Variants in TULP4 observed in about 807,000 individuals in gnomAD.
TULP4 encodes TUB like protein 4.
A neutral mutation model predicts 129.0 loss-of-function variants in TULP4; 16 were observed. That is an observed-to-expected ratio of 0.12 (90% CI 0.08 to 0.19). The LOEUF (loss-of-function observed/expected upper bound fraction) is 0.19, where lower values mean the gene tolerates loss of function less well. Ranked by LOEUF, TULP4 falls within the 10% of genes least tolerant of loss-of-function variation. The pLI is 1.00. For synonymous variants in TULP4, 998 were observed against 854.0 expected, an observed-to-expected ratio of 1.17 and a Z score of -2.94; for missense variants, 1,842 against 2,059.1, an observed-to-expected ratio of 0.89 and a Z score of 2.04.
chr6:158,484,483 T>C (rs1780019726), intron 8 of TULP4, among the ~76,000 whole-genome samples: 1 of 152,118 alleles, frequency 6.6e-6, no homozygotes, highest in Non-Finnish European at 1.5e-5. Context: ...AGCCAGAGCT[T>C]GCTATAGACT....
At chr6:158,449,820 T>G (rs1446746007) in intron 4 of TULP4, among the ~76,000 whole-genome samples, 1 of 152,270 alleles carries the variant, frequency 6.6e-6, no homozygotes, top group African/African-American at 2.4e-5. Flanking sequence ...AGAATCAGTG[T>G]GCAGCACTGG....
chr6:158,333,399 G>A (rs189972034), intron 1 of TULP4, among the ~76,000 whole-genome samples: 38 of 152,312 alleles, frequency 2.5e-4, no homozygotes, highest in Non-Finnish European at 4.3e-4. Context: ...AGCTCTCAGG[G>A]TGAAACCTAC....
Position 158,503,629 on chromosome 6 carries a change from C to T in TULP4, c.3966C>T (p.Thr1322=), listed in dbSNP as rs41266335. ...ADNFQEVLSL[T]ESPVPQRTEK... is the part of the protein sequence containing the mutation. ...ACTTCCAGGAAGTCCTCTCCCTGACCGAAAGCCCAGTCCCCCAGCGGACAG... is the reference window on the plus strand; with the variant it reads ...ACTTCCAGGAAGTCCTCTCCCTGACTGAAAGCCCAGTCCCCCAGCGGACAG... Residue 1322 remains threonine (T), a synonymous_variant, in exon 13 of 14, where the codon ACC becomes ACT. Coordinates refer to ENST00000367097, the MANE Select transcript of TULP4 (RefSeq NM_020245.5). The surrounding 1 kb of genome is among the most constrained non-coding windows in gnomAD (Gnocchi z 4.3). 3,842 of 1,614,022 alleles carry T rather than the reference C, an allele frequency of 2.4e-3. 13 individuals carry two copies. Among genetic ancestry groups the T allele is most frequent in the Non-Finnish European group, 2.4e-3 (2,885 of 1,180,030 alleles).
chr6:158,252,502 A>G (rs1778162709), intron 1 of TULP4, among the ~76,000 whole-genome samples: 1 of 151,952 alleles, frequency 6.6e-6, no homozygotes, highest in Non-Finnish European at 1.5e-5. Context: ...CAGCCTCCCA[A>G]GTGGCTGGGA....
intron 1 of TULP4, chr6:158,242,725 C>G: frequency 1.9e-6 from 1 of 514,112 alleles, no homozygotes; most frequent in East Asian, 3.9e-5. Flanking sequence ...ATCTTATTGA[C>G]AGGCTTGAGA....
intron 5 of TULP4, among the ~76,000 whole-genome samples, chr6:158,453,485 C>CAAAAAAAAAAAAAAAAAAAAAAAA (rs869146924): frequency 1.7e-4 from 3 of 17,982 alleles, no homozygotes; most frequent in East Asian, 2.5e-3. Flanking sequence ...CTCTGTCTCA[C>CAAAAAAAAAAAAAAAAAAAAAAAA]AAAAAAAAAA....
chr6:158,451,574 C>T (rs752262447), intron 4 of TULP4, among the ~76,000 whole-genome samples: 9 of 152,174 alleles, frequency 5.9e-5, no homozygotes, highest in African/African-American at 9.7e-5. Context: ...TTCCTTATGC[C>T]GGCTGTGCTC....
At chr6:158,270,278 G>C (rs1279740429) in intron 1 of TULP4, among the ~76,000 whole-genome samples, 1 of 152,016 alleles carries the variant, frequency 6.6e-6, no homozygotes, top group African/African-American at 2.4e-5. Flanking sequence ...TCTTTGTTTT[G>C]CTCTTGCATC....
chr6:158,323,812 A>G (rs1779688686), intron 1 of TULP4, among the ~76,000 whole-genome samples: 1 of 152,234 alleles, frequency 6.6e-6, no homozygotes, highest in Non-Finnish European at 1.5e-5. Flanking sequence ...ACTTTTCTAT[A>G]CAGTAAGTCC....
upstream of TULP4, among the ~76,000 whole-genome samples, chr6:158,280,263 C>T (rs1461565609): frequency 6.6e-6 from 1 of 152,036 alleles, no homozygotes; most frequent in Admixed American, 6.5e-5. Context: ...TGAAGCCATG[C>T]CAAGTCCATG....
upstream of TULP4, among the ~76,000 whole-genome samples, chr6:158,307,481 T>G (rs1383785496): frequency 6.6e-6 from 1 of 152,206 alleles, no homozygotes; most frequent in Non-Finnish European, 1.5e-5. Context: ...CTTTGCACTT[T>G]TTTTGTTTTG....
chr6:158,316,262 G>GTCTATGTA (rs113304054), intron 1 of TULP4, among the ~76,000 whole-genome samples: 1 of 151,794 alleles, frequency 6.6e-6, no homozygotes, highest in South Asian at 2.1e-4. Context: ...TTGTGTGCGT[G>GTCTATGTA]TGGACCTGTG....
At chr6:158,303,349 C>T (rs1272167176) in intron 1 of TULP4, among the ~76,000 whole-genome samples, 1 of 152,068 alleles carries the variant, frequency 6.6e-6, no homozygotes, top group Non-Finnish European at 1.5e-5. Flanking sequence ...CATGACATCA[C>T]ATGTCGGTAG....
chr6:158,475,404 TC>T (rs1430661572), intron 6 of TULP4, among the ~76,000 whole-genome samples: 2 of 152,242 alleles, frequency 1.3e-5, no homozygotes, highest in Non-Finnish European at 2.9e-5. Flanking sequence ...TATGTGAACC[TC>T]CCTATGCAAA....
intron 1 of TULP4, among the ~76,000 whole-genome samples, chr6:158,274,813 C>T (rs143385839): frequency 1.4e-3 from 218 of 152,288 alleles, no homozygotes; most frequent in Non-Finnish European, 2.6e-3. Flanking sequence ...CTTCCAGTGG[C>T]TTCCCACTGC....
chr6:158,344,160 C>G (rs1399465187), intron 1 of TULP4, among the ~76,000 whole-genome samples: 1 of 152,190 alleles, frequency 6.6e-6, no homozygotes, highest in Non-Finnish European at 1.5e-5. Context: ...GTGAGATCCA[C>G]CCCCTGCCCG....
intron 1 of TULP4, among the ~76,000 whole-genome samples, chr6:158,232,953 G>A (rs1398903453): frequency 6.6e-6 from 1 of 152,250 alleles, no homozygotes; most frequent in East Asian, 1.9e-4. Context: ...GGCAAATCAC[G>A]GAGATTCTGT....
Position 158,313,464 on chromosome 6 carries a change from A to G in TULP4, c.-553A>G. ...CAGAAATTTGTCTAGTTCAGGAAAC[A>G]TGCTAGAGGGTGGCTTCAGAAGGAA... On this transcript the variant is annotated 5_prime_UTR_variant, in exon 1 of 14. An upstream start codon of the reference 5' UTR is lost. Coordinates refer to ENST00000367097, the MANE Select transcript of TULP4 (RefSeq NM_020245.5). 1 of 400,106 alleles carries G rather than the reference A, an allele frequency of 2.5e-6. No homozygotes were observed. The highest frequency in any genetic ancestry group is 4.4e-5 in the Admixed American group (1 of 22,986). The allele number at this position is 400,106 out of a possible 1,614,324, so 24.8% of individuals were successfully genotyped here.
Position 158,493,848 on chromosome 6 carries a change from A to G in TULP4, c.1776+131A>G. 1 of 996,144 alleles carries G rather than the reference A, an allele frequency of 1.0e-6. No homozygotes were observed. The highest frequency in any genetic ancestry group is 2.1e-5 in the South Asian group (1 of 47,148). The allele number at this position is 996,144 out of a possible 1,614,324, so 61.7% of individuals were successfully genotyped here. On this transcript the variant is annotated intron_variant, in intron 10 of 13. Transcript: ENST00000367097. The surrounding 1 kb of genome is among the most constrained non-coding windows in gnomAD (Gnocchi z 4.4). ...CTGAGCTCTGCTCCACATCCTGCAC[A>G]CCACCTACTACCTCAGGAGTAGCCC... is the stretch of plus-strand genomic sequence containing the variant.
Sources: allele counts gnomAD v4.1 joint callset (sites outside exome capture counted in the v4.1 genomes callset), GRCh38; gene constraint gnomAD v4.1.1; non-coding constraint Gnocchi (gnomAD v3.1); transcripts MANE v1.5; gene names NCBI Gene and HGNC (gene_info 2026-07-23, HGNC 2026-07-21).